The following SLC24A3 variants were observed in gnomAD, a reference collection of about 807,000 sequenced individuals.
The protein encoded by SLC24A3 is solute carrier family 24 member 3.
In SLC24A3, 28 loss-of-function variants were observed where a neutral mutation model predicts 75.8. That is an observed-to-expected ratio of 0.37 (90% CI 0.27 to 0.51). SLC24A3 has a LOEUF of 0.51. SLC24A3 is among the 20% of genes least tolerant of loss of function. The pLI is 0.94. For missense variants in SLC24A3, 663 were observed against 847.8 expected (o/e 0.78, Z 2.71); for synonymous variants, 372 against 334.1 (o/e 1.11, Z -1.24).
chr20:19,397,642 CTTTTCTT>C (rs1423109151), intron 2 of SLC24A3, among the ~76,000 whole-genome samples: 1 of 89,938 alleles, frequency 1.1e-5, no homozygotes, highest in Admixed American at 1.3e-4. Flanking sequence ...CTTTTTTTTT[CTTTTCTT>C]TTTTTTTTTT....
intron 12 of SLC24A3, among the ~76,000 whole-genome samples, chr20:19,687,380 A>G (rs1412093530): frequency 2.6e-5 from 4 of 152,098 alleles, no homozygotes; most frequent in Admixed American, 1.3e-4. Context: ...CACCTGCACA[A>G]TCTCTCTACC....
chr20:19,274,960 T>C (rs943360624), intron 1 of SLC24A3, among the ~76,000 whole-genome samples: 1 of 152,202 alleles, frequency 6.6e-6, no homozygotes, highest in Non-Finnish European at 1.5e-5. Flanking sequence ...TTGGCTGTGT[T>C]TCTTGTGCCG....
intron 3 of SLC24A3, among the ~76,000 whole-genome samples, chr20:19,559,234 TTC>T (rs1484303653): frequency 6.6e-6 from 1 of 152,224 alleles, no homozygotes; most frequent in African/African-American, 2.4e-5. Flanking sequence ...TGAACATCTT[TTC>T]ATCACCTTCT....
chr20:19,633,638 GACTCCGTCTCAA>G (rs1236295246), intron 6 of SLC24A3, among the ~76,000 whole-genome samples: 2 of 106,934 alleles, frequency 1.9e-5, no homozygotes, highest in Admixed American at 1.4e-4. Flanking sequence ...GACAGAGCGA[GACTCCGTCTCAA>G]AAAAAAAAAA....
At chr20:19,580,102 T>C (rs1600288493) in intron 4 of SLC24A3, 28 bp downstream of exon 4, 1 of 1,590,526 alleles carries the variant, frequency 6.3e-7, no homozygotes, top group East Asian at 2.2e-5. Flanking sequence ...TTGGTATGTG[T>C]GAGCCAGACT....
chr20:19,435,128 T>C (rs937813894), intron 2 of SLC24A3, among the ~76,000 whole-genome samples: 1 of 152,192 alleles, frequency 6.6e-6, no homozygotes, highest in South Asian at 2.1e-4. Flanking sequence ...TTTGAGACAA[T>C]GCACAATGGA....
At chr20:19,337,512 C>A (rs746202469) in intron 2 of SLC24A3, among the ~76,000 whole-genome samples, 7 of 152,048 alleles carry the variant, frequency 4.6e-5, no homozygotes, top group Non-Finnish European at 1.0e-4. Context: ...CATGGTAGTT[C>A]TTCTTGAAGC....
At chr20:19,455,719 T>TA (rs903074243) in intron 2 of SLC24A3, among the ~76,000 whole-genome samples, 38 of 152,328 alleles carry the variant, frequency 2.5e-4, no homozygotes, top group African/African-American at 7.2e-4. Flanking sequence ...TGCTCATGAA[T>TA]GTTTGGGCCA....
chr20:19,661,559 G>C (rs1399431187), intron 7 of SLC24A3, among the ~76,000 whole-genome samples: 1 of 152,182 alleles, frequency 6.6e-6, no homozygotes, highest in Non-Finnish European at 1.5e-5. Context: ...CAGCAAGGAA[G>C]GAAAGAGTTT....
chr20:19,475,934 C>A (rs1320693628), intron 2 of SLC24A3, among the ~76,000 whole-genome samples: 1 of 152,140 alleles, frequency 6.6e-6, no homozygotes, highest in Non-Finnish European at 1.5e-5. Flanking sequence ...AAGGAGATAG[C>A]CCAGAACTGA....
intron 3 of SLC24A3, among the ~76,000 whole-genome samples, chr20:19,533,985 C>T (rs2030349945): frequency 6.6e-6 from 1 of 152,240 alleles, no homozygotes; most frequent in South Asian, 2.1e-4. Flanking sequence ...CATAAAAGAA[C>T]AGAAGCCCTG....
At chr20:19,233,743 G>A (rs751936538) in intron 1 of SLC24A3, among the ~76,000 whole-genome samples, 6 of 152,210 alleles carry the variant, frequency 3.9e-5, no homozygotes, top group Non-Finnish European at 8.8e-5. Flanking sequence ...TTCAGGGGTA[G>A]GAGACATGGC....
chr20:19,559,182 C>T (rs1026193109), intron 3 of SLC24A3, among the ~76,000 whole-genome samples: 4 of 152,134 alleles, frequency 2.6e-5, no homozygotes, highest in African/African-American at 7.2e-5. Context: ...TGTAGAGGTA[C>T]CTCATTGTGG....
chr20:19,261,385 G>C (rs1036335132), intron 1 of SLC24A3, among the ~76,000 whole-genome samples: 1 of 152,178 alleles, frequency 6.6e-6, no homozygotes, highest in African/African-American at 2.4e-5. Context: ...CTTCCAGGCT[G>C]GAGTGCAGTG....
Position 19,335,534 on chromosome 20 carries a change from GA to G in SLC24A3, c.271+54448del, listed in dbSNP as rs139389511. Among the ~76,000 whole-genome samples the G allele has an allele frequency of 5.9e-3, 894 of 152,272 alleles. 6 individuals are homozygous for G. Among genetic ancestry groups the G allele is most frequent in the African/African-American group, 0.021 (862 of 41,552 alleles). On this transcript the variant is annotated intron_variant, in intron 2 of 16. Coordinates refer to ENST00000328041, the MANE Select transcript of SLC24A3 (RefSeq NM_020689.4). Reference sequence around the variant, plus strand: ...CTGCCCAAGTGCTTGACTTAGCCCAGATAAAGGCTGCTCAGGTAAATATTGT... The same window carrying G: ...CTGCCCAAGTGCTTGACTTAGCCCAGTAAAGGCTGCTCAGGTAAATATTGT...
At chr20:19,327,549 C>T (rs1051907832) in intron 2 of SLC24A3, among the ~76,000 whole-genome samples, 1 of 152,204 alleles carries the variant, frequency 6.6e-6, no homozygotes, top group Non-Finnish European at 1.5e-5. Context: ...TACAAGGTCT[C>T]CACATCTTTG....
intron 2 of SLC24A3, among the ~76,000 whole-genome samples, chr20:19,511,754 C>T (rs75320365): frequency 0.019 from 2,924 of 152,234 alleles, 96 homozygotes; most frequent in African/African-American, 0.064. Flanking sequence ...TCCTTTGAAA[C>T]CATTTTTCCA....
chr20:19,597,590 T>C (rs1411423393), intron 6 of SLC24A3, among the ~76,000 whole-genome samples: 1 of 152,190 alleles, frequency 6.6e-6, no homozygotes, highest in East Asian at 1.9e-4. Context: ...AAGTCCTCTC[T>C]TCTAGCTACT....
intron 2 of SLC24A3, among the ~76,000 whole-genome samples, chr20:19,332,370 G>A (rs117294439): frequency 0.035 from 5,318 of 152,140 alleles, 137 homozygotes; most frequent in Non-Finnish European, 0.049. Flanking sequence ...GTTTCCCCTC[G>A]CCAGCCCTCA....
Sources: gnomAD v4.1 joint callset for allele counts (sites outside exome capture counted in the v4.1 genomes callset) on GRCh38, gnomAD v4.1.1 for gene constraint, MANE v1.5 for transcripts, NCBI Gene and HGNC (gene_info 2026-07-23, HGNC 2026-07-21) for gene names.